Variants in CSTPP1 observed in about 807,000 individuals in gnomAD.
CSTPP1 encodes the protein UPF0705 protein C11orf49.
At chr11:47,136,060 T>A in the CSTPP1 span, among the ~76,000 whole-genome samples, 1 of 152,284 alleles carries the variant, frequency 6.6e-6, no homozygotes, top group East Asian at 1.9e-4. Flanking sequence ...ATTTGGGGGA[T>A]AAATGTAAGT....
chr11:47,014,308 GAGAA>G, the CSTPP1 span, among the ~76,000 whole-genome samples: 258 of 143,618 alleles, frequency 1.8e-3, 2 homozygotes, highest in African/African-American at 6.5e-3. Flanking sequence ...AAAGAGAGAA[GAGAA>G]AGAAAGAGTA....
the CSTPP1 span, chr11:47,041,732 T>A: frequency 7.5e-6 from 4 of 530,958 alleles, 1 homozygote; most frequent in Non-Finnish European, 1.5e-5. Flanking sequence ...TTGACCTTGG[T>A]AGGCACCTTT....
At chr11:47,110,218 A>G in the CSTPP1 span, among the ~76,000 whole-genome samples, 1 of 152,224 alleles carries the variant, frequency 6.6e-6, no homozygotes. Flanking sequence ...TACCATGAAA[A>G]TAGGGATTTT....
At chr11:47,057,479 T>C in the CSTPP1 span, among the ~76,000 whole-genome samples, 1 of 152,160 alleles carries the variant, frequency 6.6e-6, no homozygotes, top group Non-Finnish European at 1.5e-5. Flanking sequence ...ACTAAGGGAA[T>C]TGCCCTCTTG....
chr11:46,978,889 A>G, the CSTPP1 span, among the ~76,000 whole-genome samples: 2 of 152,162 alleles, frequency 1.3e-5, no homozygotes, highest in Admixed American at 6.5e-5. Flanking sequence ...TCTTTTTGTC[A>G]TTAGAAAAAA....
At chr11:47,084,922 C>T in the CSTPP1 span, among the ~76,000 whole-genome samples, 9 of 152,054 alleles carry the variant, frequency 5.9e-5, no homozygotes, top group East Asian at 3.9e-4. Flanking sequence ...CGATGGATTA[C>T]GCCTGTAATC....
chr11:47,161,079 G>A, the CSTPP1 span: 1 of 1,611,778 alleles, frequency 6.2e-7, no homozygotes, highest in Non-Finnish European at 8.5e-7. Flanking sequence ...TCTGTTGCCT[G>A]GCTGAAGGGC....
At chr11:47,102,859 G>A in the CSTPP1 span, among the ~76,000 whole-genome samples, 2 of 152,156 alleles carry the variant, frequency 1.3e-5, no homozygotes, top group African/African-American at 4.8e-5. Context: ...ACATCTACTT[G>A]TTAGAACCAA....
the CSTPP1 span, among the ~76,000 whole-genome samples, chr11:47,131,900 C>A: frequency 2.0e-5 from 3 of 151,986 alleles, no homozygotes; most frequent in Non-Finnish European, 4.4e-5. Context: ...TCGCTTGAAC[C>A]CAGTAAGCAG....
the CSTPP1 span, among the ~76,000 whole-genome samples, chr11:47,015,502 A>ATATATATG: frequency 7.7e-4 from 117 of 151,828 alleles, no homozygotes; most frequent in Middle Eastern, 6.8e-3. Flanking sequence ...AACAAAAAAT[A>ATATATATG]TATATATGTA....
the CSTPP1 span, among the ~76,000 whole-genome samples, chr11:47,102,306 T>TA: frequency 6.2e-3 from 925 of 149,976 alleles, 10 homozygotes; most frequent in African/African-American, 0.021. Flanking sequence ...TTTCTTTCTT[T>TA]AAAAAAAAAA....
chr11:46,938,243 A>G, the CSTPP1 span, among the ~76,000 whole-genome samples: 1 of 151,540 alleles, frequency 6.6e-6, no homozygotes, highest in African/African-American at 2.4e-5. Context: ...GGTCTCCCTC[A>G]CTCACAGTTT....
the CSTPP1 span, among the ~76,000 whole-genome samples, chr11:46,981,753 G>A: frequency 0.59 from 89,091 of 151,818 alleles, 30,105 homozygotes; most frequent in Non-Finnish European, 0.76. Context: ...AACCTCTCTA[G>A]TTTTTAAAAA....
chr11:47,089,220 T>C, the CSTPP1 span, among the ~76,000 whole-genome samples: 1 of 152,112 alleles, frequency 6.6e-6, no homozygotes, highest in Non-Finnish European at 1.5e-5. Context: ...AAGGGGTCGA[T>C]TAAGTAAAAG....
At chr11:47,138,267 A>C in the CSTPP1 span, among the ~76,000 whole-genome samples, 1 of 152,138 alleles carries the variant, frequency 6.6e-6, no homozygotes, top group Non-Finnish European at 1.5e-5. Context: ...AAAACCATCA[A>C]ATGTCTTCAG....
chr11:47,012,257 C>CA, the CSTPP1 span, among the ~76,000 whole-genome samples: 2 of 151,760 alleles, frequency 1.3e-5, no homozygotes, highest in African/African-American at 2.4e-5. Flanking sequence ...ACTGTGTCTC[C>CA]AAAAAAAGGA....
the CSTPP1 span, among the ~76,000 whole-genome samples, chr11:47,025,763 C>G: frequency 1.3e-5 from 2 of 152,070 alleles, no homozygotes; most frequent in African/African-American, 2.4e-5. Context: ...AAAAAAGAAC[C>G]TAAAGGCTAT....
At chr11:47,134,186 A>AT in the CSTPP1 span, among the ~76,000 whole-genome samples, 11 of 151,464 alleles carry the variant, frequency 7.3e-5, no homozygotes, top group East Asian at 1.9e-4. Context: ...AAGTGAGTTA[A>AT]TTTTTTTTTA....
the CSTPP1 span, among the ~76,000 whole-genome samples, chr11:47,150,883 G>GTTTT: frequency 1.7e-5 from 1 of 60,530 alleles, no homozygotes; most frequent in Admixed American, 2.3e-4. Flanking sequence ...GACTGTGAAG[G>GTTTT]TTTTTTTTTT....
Sources: allele counts gnomAD v4.1 joint callset (sites outside exome capture counted in the v4.1 genomes callset), GRCh38; gene constraint gnomAD v4.1.1; transcripts MANE v1.5; gene names NCBI Gene and HGNC (gene_info 2026-07-23, HGNC 2026-07-21).